The following PRTFDC1 variants were observed in gnomAD, a reference collection of about 807,000 sequenced individuals.
PRTFDC1 encodes the protein phosphoribosyltransferase domain-containing protein 1.
In PRTFDC1, 38 loss-of-function variants were observed where a neutral mutation model predicts 34.6. The ratio of observed to expected loss-of-function variants is 1.10; its 90% CI spans 0.85 to 1.44. The LOEUF is 1.44. Ranked by LOEUF, PRTFDC1 falls within the 40% of genes most tolerant of loss-of-function variation. The pLI, the probability that PRTFDC1 is intolerant of heterozygous loss-of-function variation, is 0.00. For missense variants in PRTFDC1, 270 were observed against 283.0 expected (o/e 0.95, Z 0.33); for synonymous variants, 93 against 98.1 (o/e 0.95, Z 0.31).
chr10:24,937,699 AG>A (rs1423357269), intron 2 of PRTFDC1, among the ~76,000 whole-genome samples: 1 of 151,824 alleles, frequency 6.6e-6, no homozygotes, highest in African/African-American at 2.4e-5. Flanking sequence ...CTGGGAATAC[AG>A]GCGCCTGCCA....
chr10:24,898,950 A>G (rs56836835), intron 3 of PRTFDC1, among the ~76,000 whole-genome samples: 17,717 of 152,152 alleles, frequency 0.12, 1,267 homozygotes, highest in East Asian at 0.29. Flanking sequence ...GTCTTTCTGG[A>G]TACAAGAAGC....
chr10:24,932,959 A>G (rs1233578175), intron 3 of PRTFDC1, among the ~76,000 whole-genome samples: 1 of 152,158 alleles, frequency 6.6e-6, no homozygotes, highest in Non-Finnish European at 1.5e-5. Flanking sequence ...CAACATACAT[A>G]TATAAAGTAA....
intron 4 of PRTFDC1, among the ~76,000 whole-genome samples, chr10:24,862,079 T>C (rs915506958): frequency 6.6e-6 from 1 of 152,164 alleles, no homozygotes; most frequent in South Asian, 2.1e-4. Flanking sequence ...CTAAAGACTT[T>C]CTAAATTTTT....
At position 24,891,216 on chromosome 10, in the gene PRTFDC1, A is replaced by T. The variant is rs541686517; in HGVS notation, c.340-19153T>A. Among the ~76,000 whole-genome samples the T allele has an allele frequency of 1.2e-4, 18 of 152,244 alleles. No individual in the cohort carries two copies. In the South Asian group the frequency reaches 3.7e-3, roughly 32 times the overall value. On this transcript the variant is annotated intron_variant, in intron 3 of 8. Transcript: ENST00000320152. ...ATTTATTCTTCTTGTGATCATGTAA[A>T]TTTAATTTGCTGTAAAATTCATGAT...
intron 3 of PRTFDC1, among the ~76,000 whole-genome samples, chr10:24,873,822 G>A (rs1053472270): frequency 6.6e-6 from 1 of 150,396 alleles, no homozygotes; most frequent in East Asian, 2.0e-4. Context: ...CAAACCACCA[G>A]TAGGACAGTT....
At position 24,849,123 on chromosome 10, in the gene PRTFDC1, T is replaced by C. The variant is rs1186378050; in HGVS notation, c.*721A>G. 4 of 152,390 alleles carry C rather than the reference T, an allele frequency of 2.6e-5. No individual in the cohort carries two copies. The highest frequency in any genetic ancestry group is 9.7e-5 in the African/African-American group (4 of 41,446). The allele number at this position is 152,390 out of a possible 1,614,324, so 9.4% of individuals were successfully genotyped here. ...AAACCAGGGCCTTGCTGCTATTGTA[T>C]TTTTTTCTAATTAAAATTCAGAGTA... On this transcript the variant is annotated 3_prime_UTR_variant, in exon 9 of 9. Coordinates refer to ENST00000320152, the MANE Select transcript of PRTFDC1 (RefSeq NM_020200.7).
At chr10:24,887,500 GCCA>G (rs1848190750) in intron 3 of PRTFDC1, among the ~76,000 whole-genome samples, 1 of 151,964 alleles carries the variant, frequency 6.6e-6, no homozygotes. Flanking sequence ...TCTCCTTGCT[GCCA>G]CCATGTGAAG....
At chr10:24,890,246 A>G (rs982571645) in intron 3 of PRTFDC1, among the ~76,000 whole-genome samples, 1 of 152,210 alleles carries the variant, frequency 6.6e-6, no homozygotes, top group Non-Finnish European at 1.5e-5. Flanking sequence ...ATCAGAAGCT[A>G]CTATTGAGTA....
chr10:24,901,601 T>C (rs11014289), intron 3 of PRTFDC1, among the ~76,000 whole-genome samples: 3,207 of 152,150 alleles, frequency 0.021, 44 homozygotes, highest in Middle Eastern at 0.044. Flanking sequence ...TAGTGGTACA[T>C]GTCTGTAGTC....
chr10:24,951,418 G>T (rs375182200), intron 1 of PRTFDC1: 13 of 416,590 alleles, frequency 3.1e-5, no homozygotes, highest in African/African-American at 6.5e-5. Context: ...GACAATAAAC[G>T]TGTGGAATGA....
chr10:24,907,412 T>C (rs1221026676), intron 3 of PRTFDC1, among the ~76,000 whole-genome samples: 2 of 151,750 alleles, frequency 1.3e-5, no homozygotes, highest in East Asian at 1.9e-4. Flanking sequence ...ATGGTCAACA[T>C]GGTGAAACCC....
At chr10:24,876,690 T>A (rs1157569542) in intron 3 of PRTFDC1, among the ~76,000 whole-genome samples, 1 of 147,670 alleles carries the variant, frequency 6.8e-6, no homozygotes, top group African/African-American at 2.4e-5. Flanking sequence ...CGAGACTCCA[T>A]CTCAAAAAAA....
chr10:24,877,525 T>G (rs774513698), intron 3 of PRTFDC1, among the ~76,000 whole-genome samples: 1 of 152,230 alleles, frequency 6.6e-6, no homozygotes, highest in Non-Finnish European at 1.5e-5. Flanking sequence ...TTATGCTAGC[T>G]TCATGTAATA....
chr10:24,900,186 G>A (rs371179017), intron 3 of PRTFDC1, among the ~76,000 whole-genome samples: 3 of 152,164 alleles, frequency 2.0e-5, no homozygotes, highest in African/African-American at 7.2e-5. Flanking sequence ...CTGTTGGATT[G>A]GGAGAACTTA....
At chr10:24,881,849 G>A (rs1173601087) in intron 3 of PRTFDC1, among the ~76,000 whole-genome samples, 1 of 152,052 alleles carries the variant, frequency 6.6e-6, no homozygotes, top group East Asian at 1.9e-4. Flanking sequence ...CTTGGTCTTG[G>A]CTGGGCATAG....
At chr10:24,886,875 A>G (rs1156295081) in intron 3 of PRTFDC1, among the ~76,000 whole-genome samples, 1 of 151,900 alleles carries the variant, frequency 6.6e-6, no homozygotes, top group African/African-American at 2.4e-5. Context: ...CACACACATC[A>G]ACTTGTGGGC....
intron 3 of PRTFDC1, among the ~76,000 whole-genome samples, chr10:24,931,340 A>G (rs1233263802): frequency 1.3e-5 from 2 of 152,098 alleles, no homozygotes; most frequent in Middle Eastern, 3.2e-3. Flanking sequence ...AAAATAAAAG[A>G]AAATTAACCC....
At chr10:24,937,402 C>T (rs2132608068) in intron 2 of PRTFDC1, 35 bp from the exon 3 acceptor site, 1 of 1,557,706 alleles carries the variant, frequency 6.4e-7, no homozygotes, top group Non-Finnish European at 8.8e-7. Context: ...TAAGGCACAA[C>T]TACTTCTGAG....
At chr10:24,918,513 C>T (rs1390126707) in intron 3 of PRTFDC1, among the ~76,000 whole-genome samples, 1 of 152,002 alleles carries the variant, frequency 6.6e-6, no homozygotes, top group African/African-American at 2.4e-5. Context: ...AATTCCTGGG[C>T]TCATGGGATC....
Sources: gnomAD v4.1 joint callset for allele counts (sites outside exome capture counted in the v4.1 genomes callset) on GRCh38, gnomAD v4.1.1 for gene constraint, MANE v1.5 for transcripts, NCBI Gene and HGNC (gene_info 2026-07-23, HGNC 2026-07-21) for gene names.